Variants in SMG6 observed in about 807,000 individuals in gnomAD.
SMG6 encodes telomerase-binding protein EST1A.
Under a neutral mutation model 142.2 loss-of-function variants are expected in SMG6, and 66 were observed. That is an observed-to-expected ratio of 0.46 (90% CI 0.38 to 0.57). The LOEUF (loss-of-function observed/expected upper bound fraction) is 0.57, where lower values mean the gene tolerates loss of function less well. Ranked by LOEUF, SMG6 falls within the 20% of genes least tolerant of loss-of-function variation. The pLI, the probability that SMG6 is intolerant of heterozygous loss-of-function variation, is 0.00. For missense variants in SMG6, 1,793 were observed against 1,832.0 expected, an observed-to-expected ratio of 0.98 and a Z score of 0.39; for synonymous variants, 779 against 702.4, an observed-to-expected ratio of 1.11 and a Z score of -1.72.
chr17:2,070,760 T>A (rs2068077759), intron 15 of SMG6, among the ~76,000 whole-genome samples: 1 of 152,082 alleles, frequency 6.6e-6, no homozygotes, highest in African/African-American at 2.4e-5. Flanking sequence ...TTCCTACTGA[T>A]CTCACCTCAT....
chr17:2,228,206 G>A (rs2073371124), intron 10 of SMG6, among the ~76,000 whole-genome samples: 3 of 152,046 alleles, frequency 2.0e-5, no homozygotes. Flanking sequence ...TGGGATTACA[G>A]GCATATGCCA....
chr17:2,085,600 G>T lies in SMG6; in HGVS notation c.3534+125C>A. On this transcript the variant is annotated intron_variant, in intron 14 of 18. Coordinates refer to ENST00000263073, the MANE Select transcript of SMG6 (RefSeq NM_017575.5). The surrounding 1 kb of genome is among the most constrained non-coding windows in gnomAD (Gnocchi z 4.1). ...ATCAGAGCACACTCTCGAGAAGCTG[G>T]CTGGTCACATTAACACAGACGCTGT... 2.1e-6 allele frequency: 2 copies of T among 975,014 alleles called. No homozygotes were observed. Among genetic ancestry groups the T allele is most frequent in the Non-Finnish European group, 3.1e-6 (2 of 652,354 alleles). The allele number at this position is 975,014 out of a possible 1,614,324, so 60.4% of individuals were successfully genotyped here.
intron 15 of SMG6, among the ~76,000 whole-genome samples, chr17:2,081,116 G>A (rs961693486): frequency 6.6e-6 from 1 of 152,170 alleles, no homozygotes; most frequent in Non-Finnish European, 1.5e-5. Flanking sequence ...GGAGTGGGTG[G>A]CTTGATGCTT....
chr17:2,188,634 A>T (rs2072066528), intron 10 of SMG6, 119 bp from the exon 11 acceptor site: 6 of 833,730 alleles, frequency 7.2e-6, no homozygotes, highest in South Asian at 1.6e-5. Context: ...TCCCTCTCTC[A>T]GAGTGGTCAT....
At chr17:2,296,836 C>T (rs1219541700) in intron 4 of SMG6, among the ~76,000 whole-genome samples, 1 of 151,724 alleles carries the variant, frequency 6.6e-6, no homozygotes, top group Non-Finnish European at 1.5e-5. Flanking sequence ...CTCTACAAAA[C>T]ATAGAAAAAT....
chr17:2,098,154 G>A (rs2068907505), intron 13 of SMG6, among the ~76,000 whole-genome samples: 2 of 152,164 alleles, frequency 1.3e-5, no homozygotes, highest in East Asian at 1.9e-4. Flanking sequence ...ACACCTGGCT[G>A]TGTGTTCTGT....
intron 10 of SMG6, among the ~76,000 whole-genome samples, chr17:2,201,267 A>G (rs2072512759): frequency 6.6e-6 from 1 of 152,248 alleles, no homozygotes; most frequent in African/African-American, 2.4e-5. Context: ...ACTAATCATT[A>G]GGGAAATGCA....
intron 13 of SMG6, among the ~76,000 whole-genome samples, chr17:2,142,663 C>G (rs1468134459): frequency 2.0e-5 from 3 of 151,944 alleles, no homozygotes; most frequent in Non-Finnish European, 4.4e-5. Context: ...GTGGGCGGAT[C>G]ACCTGAGGCC....
At chr17:2,150,470 A>G (rs2070792225) in intron 13 of SMG6, among the ~76,000 whole-genome samples, 1 of 151,796 alleles carries the variant, frequency 6.6e-6, no homozygotes, top group Non-Finnish European at 1.5e-5. Context: ...GCTATGCCCC[A>G]TGTCATCAGG....
intron 6 of SMG6, among the ~76,000 whole-genome samples, chr17:2,291,878 G>C (rs1193830902): frequency 7.1e-6 from 1 of 141,184 alleles, no homozygotes; most frequent in Non-Finnish European, 1.5e-5. Context: ...AAAAGAGAGA[G>C]ACAATTTTCT....
chr17:2,144,378 A>T (rs1469396161), intron 13 of SMG6, among the ~76,000 whole-genome samples: 1 of 151,482 alleles, frequency 6.6e-6, no homozygotes, highest in Admixed American at 6.6e-5. Flanking sequence ...TTAATTTTTA[A>T]ATCTTTTTGT....
intron 1 of SMG6, 50 bp downstream of exon 1, chr17:2,303,583 G>C: frequency 7.3e-7 from 1 of 1,376,034 alleles, no homozygotes; most frequent in Non-Finnish European, 9.4e-7. Context: ...GAGGAGGAGA[G>C]GGAGGCGGGG....
chr17:2,087,080 G>A, intron 13 of SMG6: 7 of 1,290,420 alleles, frequency 5.4e-6, no homozygotes, highest in Non-Finnish European at 7.1e-6. Context: ...CTAACCTGGA[G>A]ACTACTGATG....
intron 9 of SMG6, chr17:2,237,518 T>C: frequency 2.0e-6 from 2 of 985,526 alleles, no homozygotes; most frequent in Non-Finnish European, 2.4e-6. Context: ...GTCATCTGTC[T>C]CAGTTCTTCG....
At chr17:2,138,573 C>T (rs1322923693) in intron 13 of SMG6, among the ~76,000 whole-genome samples, 1 of 152,124 alleles carries the variant, frequency 6.6e-6, no homozygotes, top group Non-Finnish European at 1.5e-5. Context: ...GATGCTTTAA[C>T]CCTAGCAGCA....
chr17:2,082,847 G>A (rs1438464403), intron 14 of SMG6, among the ~76,000 whole-genome samples: 1 of 152,170 alleles, frequency 6.6e-6, no homozygotes, highest in Admixed American at 6.5e-5. Context: ...GTTTCTAACT[G>A]GATTATAATA....
Position 2,071,140 on chromosome 17 carries a change from G to A in SMG6, c.3682-2209C>T, listed in dbSNP as rs897018422. ...GCAGCTGGAGTGACAGGGGCTGGGG[G>A]TCCGGCTCTGCACTGCGCCTCTGCC... is the stretch of plus-strand genomic sequence containing the variant. On this transcript the variant is annotated intron_variant, in intron 15 of 18. Transcript: ENST00000263073. This position sits in a 1 kb window ranked among gnomAD's most constrained non-coding sequence, Gnocchi z 5.6. 7.9e-5 allele frequency among the ~76,000 whole-genome samples: 12 copies of A among 152,296 alleles called. No individual in the cohort carries two copies. Among genetic ancestry groups the A allele is most frequent in the East Asian group, 1.9e-4 (1 of 5,186 alleles).
chr17:2,137,532 T>G (rs2070343610), intron 13 of SMG6, among the ~76,000 whole-genome samples: 1 of 151,896 alleles, frequency 6.6e-6, no homozygotes, highest in Non-Finnish European at 1.5e-5. Context: ...CAAATGGGCT[T>G]ACTCATCACA....
At chr17:2,216,877 AAG>A (rs2151758520) in intron 10 of SMG6, among the ~76,000 whole-genome samples, 1 of 152,326 alleles carries the variant, frequency 6.6e-6, no homozygotes, top group African/African-American at 2.4e-5. Context: ...GGAATGCAGG[AAG>A]AGTTAGAAGA....
Sources: allele counts gnomAD v4.1 joint callset (sites outside exome capture counted in the v4.1 genomes callset), GRCh38; gene constraint gnomAD v4.1.1; non-coding constraint Gnocchi (gnomAD v3.1); transcripts MANE v1.5; gene names NCBI Gene and HGNC (gene_info 2026-07-23, HGNC 2026-07-21).